PDK1: variants seen among roughly 807,000 people sequenced by gnomAD.
The protein encoded by PDK1 is pyruvate dehydrogenase kinase 1.
Under a neutral mutation model 54.2 loss-of-function variants are expected in PDK1, and 39 were observed. The ratio of observed to expected loss-of-function variants is 0.72; its 90% CI spans 0.56 to 0.94. The LOEUF (loss-of-function observed/expected upper bound fraction) is 0.94, where lower values mean the gene tolerates loss of function less well. PDK1 is among the 40% of genes least tolerant of loss of function. PDK1 has a pLI of 0.00. For missense variants in PDK1, 552 were observed against 566.0 expected (o/e 0.98, Z 0.25); for synonymous variants, 221 against 207.1 (o/e 1.07, Z -0.58).
At chr2:172,667,114 C>G in the PDK1 span, among the ~76,000 whole-genome samples, 1 of 152,114 alleles carries the variant, frequency 6.6e-6, no homozygotes, top group Non-Finnish European at 1.5e-5. Context: ...TCATCTCTCA[C>G]CCACTCTCAC....
the PDK1 span, among the ~76,000 whole-genome samples, chr2:172,653,259 G>C: frequency 6.6e-6 from 1 of 152,136 alleles, no homozygotes; most frequent in Non-Finnish European, 1.5e-5. Context: ...GTGAAAACTG[G>C]CTAGCCATAT....
the PDK1 span, among the ~76,000 whole-genome samples, chr2:172,700,015 C>T: frequency 5.0e-4 from 76 of 152,284 alleles, no homozygotes; most frequent in Middle Eastern, 6.8e-3. Flanking sequence ...TTGCACCGCC[C>T]TTAATCCATT....
chr2:172,562,654 A>G, intron 3 of PDK1: 1 of 769,448 alleles, frequency 1.3e-6, no homozygotes, highest in East Asian at 2.5e-5. Context: ...TCTGATTTTA[A>G]AGGAAAGCTA....
rs144141465 is a variant in PDK1 at position 172,595,116 on chromosome 2, C to T, written c.1171-713C>T. On this transcript the variant is annotated intron_variant, in intron 10 of 10. Coordinates refer to ENST00000282077, the MANE Select transcript of PDK1 (RefSeq NM_002610.5). ...TCAATATCTTGCTTTGTTGCCAGGC[C>T]GGAGTGCAGTGGTACAATCATAATT... Among the ~76,000 whole-genome samples, 220 of 152,126 alleles carry T rather than the reference C, an allele frequency of 1.4e-3. 1 individual carries two copies. The Middle Eastern group carries it at 0.027, about 19-fold the overall frequency.
At chr2:172,692,096 AC>A in the PDK1 span, among the ~76,000 whole-genome samples, 6 of 152,336 alleles carry the variant, frequency 3.9e-5, no homozygotes, top group African/African-American at 1.2e-4. Context: ...CTTGATGGCA[AC>A]CAATATAGGC....
chr2:172,694,570 T>G, the PDK1 span, among the ~76,000 whole-genome samples: 3 of 152,250 alleles, frequency 2.0e-5, no homozygotes, highest in Non-Finnish European at 4.4e-5. Context: ...GTTTGGTGAA[T>G]TGGTGTGTCT....
chr2:172,666,907 GA>G, the PDK1 span, among the ~76,000 whole-genome samples: 1 of 152,216 alleles, frequency 6.6e-6, no homozygotes, highest in Non-Finnish European at 1.5e-5. Flanking sequence ...TAAAACCTTT[GA>G]AGAGGAATTT....
the PDK1 span, among the ~76,000 whole-genome samples, chr2:172,716,261 T>G: frequency 6.6e-6 from 1 of 152,192 alleles, no homozygotes. Context: ...ACCTTCATAT[T>G]TCTCAACCTA....
At chr2:172,700,828 C>A in the PDK1 span, among the ~76,000 whole-genome samples, 19 of 152,180 alleles carry the variant, frequency 1.2e-4, no homozygotes, top group Admixed American at 3.9e-4. Flanking sequence ...ACGGCAAAAA[C>A]CCGTCTCCAC....
downstream of PDK1, among the ~76,000 whole-genome samples, chr2:172,612,467 A>C (rs1691491886): frequency 6.6e-6 from 1 of 151,506 alleles, no homozygotes; most frequent in Non-Finnish European, 1.5e-5. Context: ...CATTGATTAG[A>C]AGGTTTGTTT....
chr2:172,642,468 C>T, the PDK1 span, among the ~76,000 whole-genome samples: 12 of 152,150 alleles, frequency 7.9e-5, no homozygotes, highest in African/African-American at 1.9e-4. Context: ...CTAACAACAT[C>T]GGCATCTCCT....
the PDK1 span, among the ~76,000 whole-genome samples, chr2:172,632,028 C>A: frequency 1.3e-5 from 2 of 152,064 alleles, no homozygotes; most frequent in African/African-American, 4.8e-5. Flanking sequence ...GTAATCCCAG[C>A]ACTTTGGGAG....
chr2:172,672,694 TAAC>T, the PDK1 span, among the ~76,000 whole-genome samples: 7 of 152,082 alleles, frequency 4.6e-5, no homozygotes, highest in African/African-American at 9.7e-5. Context: ...AGTAGAAACA[TAAC>T]AGTGTTAATA....
At chr2:172,696,545 T>A in the PDK1 span, among the ~76,000 whole-genome samples, 1 of 152,164 alleles carries the variant, frequency 6.6e-6, no homozygotes. Context: ...ATCTGAGAAG[T>A]TGATTGTTGA....
At position 172,557,928 on chromosome 2, in the gene PDK1, C is replaced by G. The variant is rs1688438123; in HGVS notation, c.197-780C>G. Among the ~76,000 whole-genome samples, 4 of 152,162 alleles carry G rather than the reference C, an allele frequency of 2.6e-5. No individual in the cohort carries two copies. The South Asian group carries it at 6.2e-4, about 24-fold the overall frequency. ...AGTGCAGTGGTGCTATCATAGCTCA[C>G]TGTAACCTCAAATTTCAGCCTGAGC... On this transcript the variant is annotated intron_variant, in intron 1 of 10. Coordinates refer to ENST00000282077, the MANE Select transcript of PDK1 (RefSeq NM_002610.5).
Position 172,586,285 on chromosome 2 carries a change from A to C in PDK1, c.953A>C (p.Asp318Ala). The C allele has an allele frequency of 6.2e-7, 1 of 1,606,092 alleles. No homozygotes were observed. Among genetic ancestry groups the C allele is most frequent in the Non-Finnish European group, 8.5e-7 (1 of 1,172,936 alleles). The change falls in exon 9 of 11, where the codon GAC (aspartate) becomes GCC (alanine). Residue 318 changes from aspartate (D) to alanine (A), a missense_variant. Physicochemically the swap from Asp to Ala is moderately radical, Grantham distance 126. Transcript: ENST00000282077. ...ATCCTTTTCTTACCTTAGATGAGTG[A>C]CCGAGGAGGTGGCGTTCCTTTGAGG... ...GNEDLTVKMS[D>A]RGGGVPLRKI...
chr2:172,569,424 C>A lies in PDK1; in HGVS notation c.846+607C>A, dbSNP rs561977120. Among the ~76,000 whole-genome samples the A allele has an allele frequency of 7.9e-5, 12 of 152,044 alleles. No homozygotes were observed. The South Asian group carries it at 2.3e-3, about 29-fold the overall frequency. The stretch of plus-strand genomic sequence containing the variant: ...TATTGAGAGTATCTTTTTTCCCCGC[C>A]AATAATACTTGCTGGTTGACAAGAA... On this transcript the variant is annotated intron_variant, in intron 7 of 10. Coordinates refer to ENST00000282077, the MANE Select transcript of PDK1 (RefSeq NM_002610.5).
chr2:172,560,619 G>A (rs1269445771), intron 2 of PDK1, among the ~76,000 whole-genome samples: 1 of 152,066 alleles, frequency 6.6e-6, no homozygotes, highest in East Asian at 1.9e-4. Flanking sequence ...ATATATGAAA[G>A]GATATATGTA....
chr2:172,710,499 C>T, the PDK1 span, among the ~76,000 whole-genome samples: 1 of 151,996 alleles, frequency 6.6e-6, no homozygotes, highest in African/African-American at 2.4e-5. Context: ...TTTGACATTT[C>T]CTTATACATA....
Sources: gnomAD v4.1 joint callset for allele counts (sites outside exome capture counted in the v4.1 genomes callset) on GRCh38, gnomAD v4.1.1 for gene constraint, MANE v1.5 for transcripts, NCBI Gene and HGNC (gene_info 2026-07-23, HGNC 2026-07-21) for gene names.